Variants in TG observed in about 807,000 individuals in gnomAD.
The protein encoded by TG is thyroglobulin, also known as thyroid hormones.
TG carries 270 observed loss-of-function variants against 324.7 expected under a neutral mutation model. The observed-to-expected ratio is 0.83, with a 90% CI of 0.75 to 0.92. The LOEUF (loss-of-function observed/expected upper bound fraction) is 0.92. Among genes scored for constraint, TG ranks in the 40% least tolerant of loss-of-function variants. The probability of loss-of-function intolerance (pLI) is 0.00; values close to 1 mark genes in which losing one functional copy is unlikely to be tolerated. For missense variants in TG, 3,591 were observed against 3,456.4 expected, an observed-to-expected ratio of 1.04 and a Z score of -0.98; for synonymous variants, 1,401 against 1,327.0, an observed-to-expected ratio of 1.06 and a Z score of -1.21.
At chr8:132,881,408 AGTC>A (rs1814623649) in intron 5 of TG, among the ~76,000 whole-genome samples, 2 of 152,130 alleles carry the variant, frequency 1.3e-5, no homozygotes, top group Non-Finnish European at 2.9e-5. Context: ...GCTTTTGAAA[AGTC>A]GTAAAGGGGC....
chr8:132,975,229 C>T (rs1830043991), intron 34 of TG, among the ~76,000 whole-genome samples: 1 of 152,232 alleles, frequency 6.6e-6, no homozygotes, highest in Non-Finnish European at 1.5e-5. Flanking sequence ...CATCTGTCCT[C>T]TTACCTCCTT....
chr8:132,892,991 ATGG>A (rs1292104531), intron 10 of TG, among the ~76,000 whole-genome samples: 1 of 115,568 alleles, frequency 8.7e-6, no homozygotes, highest in Non-Finnish European at 1.8e-5. Flanking sequence ...GGTTGTGTGT[ATGG>A]TGTGTATGTG....
In TG at chr8:132,906,770, C is replaced by G. The variant is rs1248499838; in HGVS notation, c.3717C>G (p.Gly1239=). ...ILCETISGPT[G]SAMQQCQLLC... The stretch of plus-strand genomic sequence containing the variant: ...GTGAGACAATCTCGGGCCCCACAGG[C>G]TCTGCCATGCAGCAGTGCCAATTGC... The change falls in exon 17 of 48, where the codon GGC becomes GGG. Residue 1239 remains glycine, a synonymous_variant. Transcript: ENST00000220616. 2 of 1,614,246 alleles carry G rather than the reference C, an allele frequency of 1.2e-6. No homozygotes were observed. Among genetic ancestry groups the G allele is most frequent in the South Asian group, 2.2e-5 (2 of 91,090 alleles).
At chr8:133,005,486 C>A (rs554786525) in intron 35 of TG, among the ~76,000 whole-genome samples, 1 of 152,172 alleles carries the variant, frequency 6.6e-6, no homozygotes, top group Non-Finnish European at 1.5e-5. Flanking sequence ...GACCCAGAGA[C>A]GGTGAAGGTG....
chr8:133,104,822 A>G (rs80184086), intron 43 of TG, among the ~76,000 whole-genome samples: 2,019 of 152,242 alleles, frequency 0.013, 53 homozygotes, highest in African/African-American at 0.046. Flanking sequence ...CCCTGTCTCC[A>G]CTGAATGATG....
chr8:132,921,486 C>T (rs567878890), intron 21 of TG, among the ~76,000 whole-genome samples: 1 of 152,152 alleles, frequency 6.6e-6, no homozygotes, highest in Non-Finnish European at 1.5e-5. Flanking sequence ...GACTCATTAA[C>T]CCGCATTGAA....
intron 40 of TG, among the ~76,000 whole-genome samples, chr8:133,025,086 C>T (rs911274254): frequency 6.6e-6 from 1 of 152,184 alleles, no homozygotes; most frequent in African/African-American, 2.4e-5. Flanking sequence ...CACATTGCGC[C>T]TCCGTGCTCT....
At chr8:132,955,609 A>G (rs150078682) in intron 27 of TG, among the ~76,000 whole-genome samples, 131 of 152,294 alleles carry the variant, frequency 8.6e-4, no homozygotes, top group Non-Finnish European at 1.5e-3. Flanking sequence ...ATATGTACCT[A>G]TTTCCAGCGT....
chr8:132,978,967 G>A (rs2130637409), intron 34 of TG, among the ~76,000 whole-genome samples: 1 of 152,326 alleles, frequency 6.6e-6, no homozygotes, highest in Non-Finnish European at 1.5e-5. Context: ...ATTCTGCTAT[G>A]AGCAGAGTTC....
In TG at chr8:133,095,135, T is replaced by C. The variant is rs1323535588; in HGVS notation, c.7331T>C (p.Met2444Thr). ...TTGGCAAAGGAGGTCAGTTGCCCCA[T>C]GTCATCCAGCCAAGAAGTGGTGTCC... Reference protein sequence around the residue: ...IALAKEVSCPMSSSQEVVSCL... With the variant: ...IALAKEVSCPTSSSQEVVSCL... The change falls in exon 42 of 48, where the codon ATG becomes ACG. Residue 2444 changes from methionine to threonine, a missense_variant. By Grantham distance (81) the Met-to-Thr change is moderately conservative. Coordinates refer to ENST00000220616, the MANE Select transcript of TG (RefSeq NM_003235.5). The C allele has an allele frequency of 1.2e-6, 2 of 1,614,086 alleles. No individual in the cohort carries two copies. The highest frequency in any genetic ancestry group is 2.2e-5 in the East Asian group (1 of 44,902).
In TG at chr8:132,948,864, T is replaced by C. The variant is rs956488880; in HGVS notation, c.5322T>C (p.Asn1774=). Residue 1774 remains asparagine, a synonymous_variant, in exon 27 of 48, where the codon AAT becomes AAC. Transcript: ENST00000220616. ...DWMDPSEAWA[N]ATCPGVTYDQ... ...TGGATCCCTCTGAAGCCTGGGCTAA[T>C]GCTACATGTCCTGGTGTGACATATG... 3 of 1,614,052 alleles carry C rather than the reference T, an allele frequency of 1.9e-6. No homozygotes were observed. The African/African-American group carries it at 4.0e-5, about 22-fold the overall frequency.
chr8:132,963,259 T>C (rs1217846445), intron 29 of TG, among the ~76,000 whole-genome samples, 185 bp downstream of exon 29: 1 of 152,168 alleles, frequency 6.6e-6, no homozygotes, highest in African/African-American at 2.4e-5. Context: ...AGATGGGCAA[T>C]TGTCACAGAA....
intron 43 of TG, among the ~76,000 whole-genome samples, chr8:133,107,982 C>CT (rs377363035): frequency 0.038 from 5,039 of 134,060 alleles, 255 homozygotes; most frequent in African/African-American, 0.1. Flanking sequence ...TTCTTTTCTT[C>CT]TTTTTTTTTT....
chr8:133,069,196 T>C (rs1231049565), intron 41 of TG, among the ~76,000 whole-genome samples: 1 of 152,276 alleles, frequency 6.6e-6, no homozygotes, highest in Non-Finnish European at 1.5e-5. Context: ...ACAGGGACTA[T>C]AAAGTCCGTG....
intron 38 of TG, 141 bp from the exon 39 acceptor site, chr8:133,019,461 C>T (rs1190629342): frequency 1.5e-6 from 1 of 685,608 alleles, no homozygotes; most frequent in East Asian, 3.0e-5. Flanking sequence ...TTTCCACTCC[C>T]ATTTCCTGAA....
At chr8:133,037,637 T>C (rs952119325) in intron 41 of TG, 1 of 146,878 alleles carries the variant, frequency 6.8e-6, no homozygotes, top group African/African-American at 2.6e-5. Flanking sequence ...GACTTACGCA[T>C]CTTTTTTTTT....
At chr8:132,953,997 G>GA (rs35105936) in intron 27 of TG, among the ~76,000 whole-genome samples, 236 of 144,704 alleles carry the variant, frequency 1.6e-3, no homozygotes, top group African/African-American at 3.6e-3. Flanking sequence ...AAATTTGATA[G>GA]AAAAAAAAAA....
chr8:133,133,100 G>C (rs919740267), intron 46 of TG, among the ~76,000 whole-genome samples: 13 of 152,274 alleles, frequency 8.5e-5, no homozygotes, highest in Admixed American at 7.8e-4. Context: ...CCCGGGCCTT[G>C]GACAAGCAAG....
At chr8:133,113,917 C>T (rs1182070617) in intron 44 of TG, among the ~76,000 whole-genome samples, 1 of 152,332 alleles carries the variant, frequency 6.6e-6, no homozygotes, top group Non-Finnish European at 1.5e-5. Flanking sequence ...GCCTGGTGCA[C>T]GCTCCACCTG....
Sources: gnomAD v4.1 joint callset for allele counts (sites outside exome capture counted in the v4.1 genomes callset) on GRCh38, gnomAD v4.1.1 for gene constraint, MANE v1.5 for transcripts, NCBI Gene and HGNC (gene_info 2026-07-23, HGNC 2026-07-21) for gene names.